PAX4: variants seen among roughly 807,000 people sequenced by gnomAD.
PAX4 encodes the protein paired box 4, also known as paired box protein Pax-4.
In PAX4, 33 loss-of-function variants were observed where a neutral mutation model predicts 40.6. The observed-to-expected ratio is 0.81, with a 90% CI of 0.62 to 1.09. The LOEUF (loss-of-function observed/expected upper bound fraction) is 1.09, where lower values mean the gene tolerates loss of function less well. PAX4 is among the 50% of genes least tolerant of loss of function. PAX4 has a pLI of 0.00. For synonymous variants in PAX4, 174 were observed against 170.6 expected, an observed-to-expected ratio of 1.02 and a Z score of -0.16; for missense variants, 459 against 442.5, an observed-to-expected ratio of 1.04 and a Z score of -0.33.
intron 1 of PAX4, among the ~76,000 whole-genome samples, chr7:127,617,618 T>C (rs888704886): frequency 2.4e-4 from 36 of 152,122 alleles, no homozygotes; most frequent in African/African-American, 6.3e-4. Context: ...AAACCCTAAA[T>C]CCTTGATGGG....
chr7:127,611,668 A>AG lies in PAX4; in HGVS notation c.779dup (p.Gly261TrpfsTer33), dbSNP rs536677108. Reference sequence around the variant, plus strand: ...GCAGGGCTGCTGTGGGCACACTGCCAGGGGACTGCTAAAAAAAAAAAGCAA... The same window carrying AG: ...GCAGGGCTGCTGTGGGCACACTGCCAGGGGGACTGCTAAAAAAAAAAAGCAA... On this transcript the variant is annotated frameshift_variant, in exon 11 of 12. Transcript: ENST00000639438. LOFTEE classifies it high-confidence loss of function. 4.3e-5 allele frequency: 70 copies of AG among 1,611,332 alleles called. 1 individual carries two copies. Among genetic ancestry groups the AG allele is most frequent in the Admixed American group, 4.0e-4 (24 of 59,980 alleles).
rs1794710672 is a variant in PAX4, at chr7:127,615,500, G to A, written c.45C>T (p.Leu15=). Residue 15 remains leucine (L), a synonymous_variant, in exon 4 of 12, where the codon CTC becomes CTT. Coordinates refer to ENST00000639438, the MANE Select transcript of PAX4 (RefSeq NM_001366110.1). The part of the protein sequence containing the change: ...GISSMNQLGG[L]FVNGRPLPLD... ...GAGGCAGGGGCCGGCCATTCACAAA[G>A]AGCCCCCCAAGCTGGTTCATGCTGC... is the stretch of plus-strand genomic sequence containing the variant. 6 of 1,614,128 alleles carry A rather than the reference G, an allele frequency of 3.7e-6. No homozygotes were observed. The East Asian group carries it at 8.9e-5, about 24-fold the overall frequency.
At chr7:127,611,290 A>T in intron 11 of PAX4, 84 bp from the exon 12 acceptor site, 1 of 1,362,792 alleles carries the variant, frequency 7.3e-7, no homozygotes, top group Non-Finnish European at 1.0e-6. Flanking sequence ...CTGAGACATC[A>T]GTTTCCCACC....
At position 127,611,978 on chromosome 7, in the gene PAX4, T is replaced by C. The variant is rs370406503; in HGVS notation, c.738A>G (p.Val246=). Residue 246 remains valine, a synonymous_variant, in exon 10 of 12, where the codon GTA becomes GTG. Transcript: ENST00000639438. The stretch of plus-strand genomic sequence containing the variant: ...AGATGATTCCTGGGGCAACCCTTGG[T>C]ACAGTCAGCCCCTGGGAAGCACCTA... The part of the protein sequence containing the change: ...QLPGASQGLT[V]PRVAPGIISA... The C allele has an allele frequency of 3.1e-6, 5 of 1,613,932 alleles. No individual in the cohort carries two copies. The African/African-American group carries it at 6.7e-5, about 22-fold the overall frequency.
In PAX4 at chr7:127,611,596, T is replaced by G. The variant is rs1486055036; in HGVS notation, c.852A>C (p.Ala284=). 1.2e-6 allele frequency: 2 copies of G among 1,613,788 alleles called. No homozygotes were observed. The highest frequency in any genetic ancestry group is 1.7e-6 in the Non-Finnish European group (2 of 1,179,922). Residue 284 remains alanine (A), a synonymous_variant, in exon 11 of 12, where the codon GCA becomes GCC. Coordinates refer to ENST00000639438, the MANE Select transcript of PAX4 (RefSeq NM_001366110.1). ...LGPSCYQLCW[A]TAPERCLSDT... is the part of the protein sequence containing the mutation. Reference sequence around the variant, plus strand: ...CACTCAGACACCTTTCTGGTGCTGTTGCCCAGCACAGCTGATAGCAGGAGG... The same window carrying G: ...CACTCAGACACCTTTCTGGTGCTGTGGCCCAGCACAGCTGATAGCAGGAGG...
rs1794703215 is a variant in PAX4, at chr7:127,615,106, T to C, written c.145-11A>G. 1 of 1,613,774 alleles carries C rather than the reference T, an allele frequency of 6.2e-7. No homozygotes were observed. Among genetic ancestry groups the C allele is most frequent in the African/African-American group, 1.3e-5 (1 of 74,840 alleles). On this transcript the variant is annotated splice_polypyrimidine_tract_variant and intron_variant, in intron 4 of 11. Transcript: ENST00000639438. Reference sequence around the variant, plus strand: ...ACAGCCATTAGATACCTGAGTCAGGTGAGAAGCAGGGACAGGTGAGGCATG... The same window carrying C: ...ACAGCCATTAGATACCTGAGTCAGGCGAGAAGCAGGGACAGGTGAGGCATG...
chr7:127,611,368 A>G (rs919471468), intron 11 of PAX4, among the ~76,000 whole-genome samples, 162 bp from the exon 12 acceptor site: 10 of 152,116 alleles, frequency 6.6e-5, no homozygotes, highest in African/African-American at 2.2e-4. Flanking sequence ...GATACCATAG[A>G]CTCAGGGGTT....
rs1794606090 is a variant in PAX4 at position 127,610,615 on chromosome 7, C to T, written c.*449G>A. ...TACATAATACACATATAGATGCATA[C>T]ATAGAGTAGGTAAATTGATGCATTG... On this transcript the variant is annotated 3_prime_UTR_variant, in exon 12 of 12. Transcript: ENST00000639438. 1.9e-6 allele frequency: 1 copy of T among 537,014 alleles called. No homozygotes were observed. The allele number at this position is 537,014 out of a possible 1,614,324, so 33.3% of individuals were successfully genotyped here. A position where few individuals can be genotyped will look rare whatever the true frequency, so the allele number is the denominator to read the frequency against.
chr7:127,610,761 A>C lies in PAX4; in HGVS notation c.*303T>G. On this transcript the variant is annotated 3_prime_UTR_variant, in exon 12 of 12. Transcript: ENST00000639438. ...ATAATTGTTGAATATTAGAGTGGGC[A>C]TAGGGGTGCTCATAGGGAAAACATG... 1.1e-6 allele frequency: 1 copy of C among 907,600 alleles called. No homozygotes were observed. The highest frequency in any genetic ancestry group is 1.7e-6 in the Non-Finnish European group (1 of 581,266). 56.2% of individuals were successfully genotyped at this position (907,600 alleles called of 1,614,324 possible).
chr7:127,617,085 T>C (rs544027410), intron 2 of PAX4, among the ~76,000 whole-genome samples, 190 bp downstream of exon 2: 5 of 152,312 alleles, frequency 3.3e-5, no homozygotes, highest in Admixed American at 2.0e-4. Flanking sequence ...GAATAAGATA[T>C]TAAGCATGAG....
chr7:127,616,021 G>A lies in PAX4; in HGVS notation c.-93C>T. Reference sequence around the variant, plus strand: ...TAGGAGCTCCTTTTCCAGCTTGGGGGCTGGCTCTGCAATAATGGGGGGTTA... The same window carrying A: ...TAGGAGCTCCTTTTCCAGCTTGGGGACTGGCTCTGCAATAATGGGGGGTTA... On this transcript the variant is annotated 5_prime_UTR_variant, in exon 3 of 12. Transcript: ENST00000639438. The A allele has an allele frequency of 7.0e-7, 1 of 1,434,372 alleles. No individual in the cohort carries two copies. The highest frequency in any genetic ancestry group is 9.5e-7 in the Non-Finnish European group (1 of 1,056,294). The allele number at this position is 1,434,372 out of a possible 1,614,324, so 88.9% of individuals were successfully genotyped here. A position where few individuals can be genotyped will look rare whatever the true frequency, so the allele number is the denominator to read the frequency against.
At position 127,610,991 on chromosome 7, in the gene PAX4, T is replaced by C; in HGVS notation, c.*73A>G. ...AAGGAGGAAGGAGCCACAGTCTGTA[T>C]GGGCAGGACGGTAAGGACAATGGGC... On this transcript the variant is annotated 3_prime_UTR_variant, in exon 12 of 12. Transcript: ENST00000639438. 2 of 1,554,100 alleles carry C rather than the reference T, an allele frequency of 1.3e-6. No homozygotes were observed. The highest frequency in any genetic ancestry group is 1.4e-5 in the African/African-American group (1 of 73,370).
In PAX4 at chr7:127,615,932, C is replaced by G. The variant is rs1468962829; in HGVS notation, c.-4G>C. The stretch of plus-strand genomic sequence containing the variant: ...GCTCCTCACCGTCCTGATGCATGCT[C>G]CAGGCTGACCCTCCTCAGAAGGATG... On this transcript the variant is annotated 5_prime_UTR_variant, in exon 3 of 12. Coordinates refer to ENST00000639438, the MANE Select transcript of PAX4 (RefSeq NM_001366110.1). 6 of 1,536,108 alleles carry G rather than the reference C, an allele frequency of 3.9e-6. No individual in the cohort carries two copies. The highest frequency in any genetic ancestry group is 5.2e-6 in the Non-Finnish European group (6 of 1,146,912).
Position 127,615,507 on chromosome 7 carries a change from C to G in PAX4, c.38G>C (p.Gly13Ala). 2 of 1,614,172 alleles carry G rather than the reference C, an allele frequency of 1.2e-6. No individual in the cohort carries two copies. Among genetic ancestry groups the G allele is most frequent in the Non-Finnish European group, 1.7e-6 (2 of 1,180,026 alleles). Reference protein sequence around the residue: ...QDGISSMNQLGGLFVNGRPLP... With the variant: ...QDGISSMNQLAGLFVNGRPLP... ...GGGCCGGCCATTCACAAAGAGCCCC[C>G]CAAGCTGGTTCATGCTGCTGATCCC... The change falls in exon 4 of 12, where the codon GGG becomes GCG. Residue 13 changes from glycine to alanine, a missense_variant. By Grantham distance (60) the Gly-to-Ala change is moderately conservative. Coordinates refer to ENST00000639438, the MANE Select transcript of PAX4 (RefSeq NM_001366110.1).
chr7:127,614,821 T>C, intron 5 of PAX4, 59 bp downstream of exon 5: 1 of 1,574,102 alleles, frequency 6.4e-7, no homozygotes, highest in Non-Finnish European at 8.6e-7. Flanking sequence ...AGAAAGGTTC[T>C]TTGTCTCCCC....
At position 127,611,085 on chromosome 7, in the gene PAX4, T is replaced by G. The variant is rs771882622; in HGVS notation, c.1035A>C (p.Pro345=). 1 of 1,606,970 alleles carries G rather than the reference T, an allele frequency of 6.2e-7. No individual in the cohort carries two copies. Among genetic ancestry groups the G allele is most frequent in the Non-Finnish European group, 8.5e-7 (1 of 1,176,090 alleles). ...GSQALLWPGC[P]LLYGLE is the part of the protein sequence containing the mutation. Reference sequence around the variant, plus strand: ...TGCCTCATTCCAAGCCATACAGTAGTGGGCAGCCAGGCCAGAGCAGGGCCT... The same window carrying G: ...TGCCTCATTCCAAGCCATACAGTAGGGGGCAGCCAGGCCAGAGCAGGGCCT... The change falls in exon 12 of 12, where the codon CCA becomes CCC. Residue 345 remains proline, a synonymous_variant. Coordinates refer to ENST00000639438, the MANE Select transcript of PAX4 (RefSeq NM_001366110.1).
At chr7:127,616,867 G>C (rs538255526) in intron 2 of PAX4, among the ~76,000 whole-genome samples, 1 of 152,212 alleles carries the variant, frequency 6.6e-6, no homozygotes, top group Non-Finnish European at 1.5e-5. Flanking sequence ...GAGCCCAAGC[G>C]AGTCTCTGAG....
At chr7:127,617,586 G>A (rs967854173) in intron 1 of PAX4, among the ~76,000 whole-genome samples, 186 bp from the exon 2 acceptor site, 1 of 152,174 alleles carries the variant, frequency 6.6e-6, no homozygotes, top group African/African-American at 2.4e-5. Flanking sequence ...AAGACAGGGT[G>A]AAGGAGCTCA....
chr7:127,612,363 ATGCATGGG>A (rs1217335296), intron 9 of PAX4, among the ~76,000 whole-genome samples: 3 of 152,012 alleles, frequency 2.0e-5, no homozygotes, highest in Non-Finnish European at 4.4e-5. Context: ...GGATGGATGG[ATGCATGGG>A]TGCATGGGTG....
Sources: gnomAD v4.1 joint callset for allele counts (sites outside exome capture counted in the v4.1 genomes callset) on GRCh38, gnomAD v4.1.1 for gene constraint, MANE v1.5 for transcripts, NCBI Gene and HGNC (gene_info 2026-07-23, HGNC 2026-07-21) for gene names.